Variants in RAB4A observed in about 807,000 individuals in gnomAD.
RAB4A encodes RAB4A, member RAS oncogene family, also known as ras-related protein Rab-4A.
Under a neutral mutation model 34.5 loss-of-function variants are expected in RAB4A, and 20 were observed. That is an observed-to-expected ratio of 0.58 (90% CI 0.41 to 0.84). The LOEUF is 0.84. Ranked by LOEUF, RAB4A falls within the 40% of genes least tolerant of loss-of-function variation. The pLI, the probability that RAB4A is intolerant of heterozygous loss-of-function variation, is 0.00. For missense variants in RAB4A, 228 were observed against 274.5 expected (o/e 0.83, Z 1.20); for synonymous variants, 102 against 100.0 (o/e 1.02, Z -0.12).
chr1:229,295,135 A>G (rs1407890919), intron 3 of RAB4A, among the ~76,000 whole-genome samples: 1 of 151,864 alleles, frequency 6.6e-6, no homozygotes, highest in African/African-American at 2.4e-5. Context: ...AATTTTTTGT[A>G]GAGACAGGGT....
intron 4 of RAB4A, 119 bp from the exon 5 acceptor site, chr1:229,297,363 A>C (rs1224434491): frequency 2.1e-6 from 2 of 975,436 alleles, no homozygotes; most frequent in African/African-American, 3.3e-5. Flanking sequence ...AGTTATCTTA[A>C]AGGTGTTGGT....
At chr1:229,272,135 CT>C (rs1475085392) in intron 1 of RAB4A, among the ~76,000 whole-genome samples, 4 of 151,352 alleles carry the variant, frequency 2.6e-5, no homozygotes, top group Non-Finnish European at 4.4e-5. Context: ...TTTTTCTCCC[CT>C]TTTTTGGCCT....
intron 1 of RAB4A, among the ~76,000 whole-genome samples, chr1:229,279,184 GAC>G (rs1656719141): frequency 6.6e-6 from 1 of 152,178 alleles, no homozygotes; most frequent in Non-Finnish European, 1.5e-5. Context: ...CAGGAAGTAG[GAC>G]ACATGAAATG....
intron 6 of RAB4A, among the ~76,000 whole-genome samples, chr1:229,301,904 A>G (rs922687530): frequency 6.6e-6 from 1 of 151,846 alleles, no homozygotes; most frequent in Non-Finnish European, 1.5e-5. Context: ...GTCATACATA[A>G]TGTGTGTGTG....
In RAB4A at chr1:229,276,270, G is replaced by A. The variant is rs556923808; in HGVS notation, c.31+4900G>A. ...CCTGACTTGGAGGGTGAGGGAGATCGGCATCTGACCAGCTCCCGGGCCGTG... is the reference window on the plus strand; with the variant it reads ...CCTGACTTGGAGGGTGAGGGAGATCAGCATCTGACCAGCTCCCGGGCCGTG... On this transcript the variant is annotated intron_variant, in intron 1 of 7. Coordinates refer to ENST00000366690, the MANE Select transcript of RAB4A (RefSeq NM_004578.4). Among the ~76,000 whole-genome samples, 5 of 151,364 alleles carry A rather than the reference G, an allele frequency of 3.3e-5. 1 individual carries two copies. Among genetic ancestry groups the A allele is most frequent in the African/African-American group, 7.4e-5 (3 of 40,728 alleles).
intron 6 of RAB4A, among the ~76,000 whole-genome samples, chr1:229,300,440 A>G (rs1350416507): frequency 6.6e-6 from 1 of 152,372 alleles, no homozygotes; most frequent in Admixed American, 6.5e-5. Context: ...GGAAGCAGAG[A>G]TGGAGAGAGA....
At chr1:229,289,488 T>C (rs1291888541) in intron 3 of RAB4A, among the ~76,000 whole-genome samples, 1 of 152,246 alleles carries the variant, frequency 6.6e-6, no homozygotes, top group Non-Finnish European at 1.5e-5. Context: ...TGTAAACATT[T>C]CACTTGAAGT....
chr1:229,278,940 G>A (rs1438272052), intron 1 of RAB4A, among the ~76,000 whole-genome samples: 1 of 152,132 alleles, frequency 6.6e-6, no homozygotes, highest in African/African-American at 2.4e-5. Flanking sequence ...TATAAGAACT[G>A]CTTCCCCAAA....
At chr1:229,302,295 ATATATATATATATAT>A (rs1251707219) in intron 6 of RAB4A, among the ~76,000 whole-genome samples, 34 of 25,194 alleles carry the variant, frequency 1.3e-3, no homozygotes, top group Admixed American at 2.6e-3. Flanking sequence ...ATATATATAT[ATATATATATATATAT>A]TTTTTTTTTT....
rs144003441 is a variant in RAB4A at position 229,279,318 on chromosome 1, G to T, written c.32-7168G>T. On this transcript the variant is annotated intron_variant, in intron 1 of 7. Coordinates refer to ENST00000366690, the MANE Select transcript of RAB4A (RefSeq NM_004578.4). ...GAGGTCATCGTGTCTGCTGAATATGGCTTAATTTTCTTGAACACTCAAGGT... is the reference window on the plus strand; with the variant it reads ...GAGGTCATCGTGTCTGCTGAATATGTCTTAATTTTCTTGAACACTCAAGGT... Among the ~76,000 whole-genome samples the T allele has an allele frequency of 3.3e-4, 51 of 152,344 alleles. 1 individual carries two copies. Among genetic ancestry groups the T allele is most frequent in the African/African-American group, 1.2e-3 (48 of 41,580 alleles).
At chr1:229,295,998 G>A in intron 4 of RAB4A, 88 bp downstream of exon 4, 1 of 1,343,800 alleles carries the variant, frequency 7.4e-7, no homozygotes, top group Non-Finnish European at 1.1e-6. Flanking sequence ...CGTGCAGTGT[G>A]TGCTTTGTGT....
In RAB4A at chr1:229,305,878, A is replaced by C. The variant is rs1657535848; in HGVS notation, c.*2085A>C. 6.6e-6 allele frequency: 1 copy of C among 152,256 alleles called. No homozygotes were observed. Among genetic ancestry groups the C allele is most frequent in the South Asian group, 2.1e-4 (1 of 4,830 alleles). 9.4% of individuals were successfully genotyped at this position (152,256 alleles called of 1,614,324 possible). Reference sequence around the variant, plus strand: ...AATAGTATTTAAAGAATCTGATGCTAAAATTAGAAACCTAAATGATTTGTA... The same window carrying C: ...AATAGTATTTAAAGAATCTGATGCTCAAATTAGAAACCTAAATGATTTGTA... On this transcript the variant is annotated 3_prime_UTR_variant, in exon 8 of 8. Coordinates refer to ENST00000366690, the MANE Select transcript of RAB4A (RefSeq NM_004578.4).
chr1:229,281,851 A>C (rs1656788667), intron 1 of RAB4A, among the ~76,000 whole-genome samples: 1 of 141,716 alleles, frequency 7.1e-6, no homozygotes, highest in African/African-American at 2.6e-5. Context: ...TATATATCAT[A>C]GTTTACTGTT....
intron 1 of RAB4A, among the ~76,000 whole-genome samples, chr1:229,275,766 G>A (rs1292436445): frequency 6.6e-5 from 10 of 151,614 alleles, no homozygotes; most frequent in South Asian, 2.1e-4. Context: ...GACTACAGGC[G>A]CCCGCCACCA....
In RAB4A at chr1:229,279,224, G is replaced by A. The variant is rs529695940; in HGVS notation, c.32-7262G>A. On this transcript the variant is annotated intron_variant, in intron 1 of 7. Coordinates refer to ENST00000366690, the MANE Select transcript of RAB4A (RefSeq NM_004578.4). ...TCATACAGTCAGAGGCCATACATCC[G>A]TGCTTCCTTTCTGACATTTGGAAAT... Among the ~76,000 whole-genome samples, 29 of 152,302 alleles carry A rather than the reference G, an allele frequency of 1.9e-4. No homozygotes were observed. The South Asian group carries it at 5.0e-3, about 26-fold the overall frequency.
chr1:229,289,267 A>G (rs1326034059), intron 3 of RAB4A: 1 of 160,268 alleles, frequency 6.2e-6, no homozygotes. Flanking sequence ...ACACTCCACA[A>G]AATATTCTCT....
intron 1 of RAB4A, among the ~76,000 whole-genome samples, chr1:229,277,269 A>G (rs1656675295): frequency 6.6e-6 from 1 of 151,010 alleles, no homozygotes. Context: ...TACAAGCGTC[A>G]GGATTCCGCT....
At chr1:229,303,162 G>A (rs1447233529) in intron 7 of RAB4A, among the ~76,000 whole-genome samples, 173 bp downstream of exon 7, 2 of 152,042 alleles carry the variant, frequency 1.3e-5, no homozygotes, top group East Asian at 1.9e-4. Flanking sequence ...TCAGGAGTTC[G>A]AGACCAGCCT....
intron 1 of RAB4A, among the ~76,000 whole-genome samples, chr1:229,286,124 T>C (rs1263094577): frequency 6.6e-6 from 1 of 152,254 alleles, no homozygotes. Context: ...TATTCTTTTG[T>C]ACAGAAAACA....
Sources: allele counts gnomAD v4.1 joint callset (sites outside exome capture counted in the v4.1 genomes callset), GRCh38; gene constraint gnomAD v4.1.1; transcripts MANE v1.5; gene names NCBI Gene and HGNC (gene_info 2026-07-23, HGNC 2026-07-21).